Variants in ADARB2 observed in about 807,000 individuals in gnomAD.
ADARB2 encodes adenosine deaminase RNA specific B2 (inactive), also known as inactive double-stranded RNA-specific editase B2.
Under a neutral mutation model 62.2 loss-of-function variants are expected in ADARB2, and 25 were observed. That is an observed-to-expected ratio of 0.40 (90% CI 0.29 to 0.56). ADARB2 has a LOEUF of 0.56. ADARB2 is among the 20% of genes least tolerant of loss of function. ADARB2 has a pLI of 0.43. For missense variants in ADARB2, 1,071 were observed against 1,077.4 expected, an observed-to-expected ratio of 0.99 and a Z score of 0.08; for synonymous variants, 572 against 500.8, an observed-to-expected ratio of 1.14 and a Z score of -1.90.
At chr10:1,530,990 G>A (rs769616363) in intron 1 of ADARB2, among the ~76,000 whole-genome samples, 6 of 152,172 alleles carry the variant, frequency 3.9e-5, no homozygotes, top group African/African-American at 1.2e-4. Context: ...CAGGTCAGTC[G>A]TTGCTTCTTC....
At chr10:1,458,374 A>G (rs202149957) in intron 1 of ADARB2, among the ~76,000 whole-genome samples, 2 of 151,948 alleles carry the variant, frequency 1.3e-5, no homozygotes, top group Non-Finnish European at 2.9e-5. Flanking sequence ...GGGGTCTCAC[A>G]GCTTCTCTTT....
intron 1 of ADARB2, among the ~76,000 whole-genome samples, chr10:1,473,362 T>TTTG (rs1046160054): frequency 6.6e-6 from 1 of 152,050 alleles, no homozygotes; most frequent in Non-Finnish European, 1.5e-5. Context: ...TTGGATATAT[T>TTTG]TTGTTGTTGT....
chr10:1,356,268 A>T (rs954651785), intron 3 of ADARB2, among the ~76,000 whole-genome samples: 1 of 152,208 alleles, frequency 6.6e-6, no homozygotes, highest in Non-Finnish European at 1.5e-5. Context: ...CCAGAAGGTG[A>T]GGTGCTGAAA....
chr10:1,679,210 G>A (rs893956630), intron 1 of ADARB2, among the ~76,000 whole-genome samples: 5 of 152,072 alleles, frequency 3.3e-5, no homozygotes, highest in African/African-American at 1.2e-4. Flanking sequence ...TCCTTGGAGG[G>A]GCGACCACAC....
intron 1 of ADARB2, among the ~76,000 whole-genome samples, chr10:1,571,564 G>A (rs551586886): frequency 1.3e-4 from 20 of 152,356 alleles, no homozygotes; most frequent in African/African-American, 4.8e-4. Context: ...AGCCAGATAC[G>A]TGGGTATCAG....
intron 1 of ADARB2, among the ~76,000 whole-genome samples, chr10:1,490,590 G>T (rs1831610045): frequency 6.6e-6 from 1 of 152,142 alleles, no homozygotes; most frequent in South Asian, 2.1e-4. Context: ...CAGTAGCTGG[G>T]ATTACAGGTG....
chr10:1,682,220 CG>C lies in ADARB2; in HGVS notation c.100+54830del, dbSNP rs542504823. Among the ~76,000 whole-genome samples, 3 of 152,256 alleles carry C rather than the reference CG, an allele frequency of 2.0e-5. 1 individual carries two copies. Among genetic ancestry groups the C allele is most frequent in the African/African-American group, 7.2e-5 (3 of 41,548 alleles). On this transcript the variant is annotated intron_variant, in intron 1 of 9. Transcript: ENST00000381312. ...CATGGAGGAATAAGAGAGCACTGGGCGTCGAAGACCCAGAGGCCTCAGCACG... is the reference window on the plus strand; with the variant it reads ...CATGGAGGAATAAGAGAGCACTGGGCTCGAAGACCCAGAGGCCTCAGCACG...
At chr10:1,721,618 G>T (rs1245330488) in intron 1 of ADARB2, among the ~76,000 whole-genome samples, 1 of 152,232 alleles carries the variant, frequency 6.6e-6, no homozygotes, top group East Asian at 1.9e-4. Flanking sequence ...AGAATTTTAT[G>T]CATTATTGCA....
intron 7 of ADARB2, among the ~76,000 whole-genome samples, chr10:1,209,900 G>A (rs569443144): frequency 5.3e-5 from 8 of 152,294 alleles, no homozygotes; most frequent in African/African-American, 1.9e-4. Flanking sequence ...AATGTTTTAC[G>A]GCTCATTCTA....
chr10:1,185,307 C>T (rs1025136571), intron 8 of ADARB2, among the ~76,000 whole-genome samples: 10 of 152,184 alleles, frequency 6.6e-5, no homozygotes, highest in South Asian at 4.1e-4. Context: ...AATATAGCTC[C>T]GTCCAGATTC....
intron 1 of ADARB2, among the ~76,000 whole-genome samples, chr10:1,574,928 C>T (rs917822593): frequency 6.6e-6 from 1 of 152,198 alleles, no homozygotes; most frequent in African/African-American, 2.4e-5. Context: ...TGTTGAGTGG[C>T]ACTGCCAGGA....
At chr10:1,187,817 C>T (rs528448665) in intron 8 of ADARB2, 42 of 425,406 alleles carry the variant, frequency 9.9e-5, no homozygotes, top group African/African-American at 6.8e-4. Context: ...GCTGCGGGGT[C>T]GTCCAGCCTT....
intron 1 of ADARB2, among the ~76,000 whole-genome samples, chr10:1,522,611 G>A (rs1027023433): frequency 1.3e-5 from 2 of 152,152 alleles, no homozygotes; most frequent in Non-Finnish European, 2.9e-5. Flanking sequence ...TGTGTGTCAG[G>A]TGGTCCAGTA....
At chr10:1,733,787 A>G (rs950337518) in intron 1 of ADARB2, among the ~76,000 whole-genome samples, 2 of 152,226 alleles carry the variant, frequency 1.3e-5, no homozygotes, top group African/African-American at 4.8e-5. Context: ...GAACTATAAA[A>G]TAAAGTGCAA....
chr10:1,368,536 C>T (rs573946551), intron 2 of ADARB2, among the ~76,000 whole-genome samples: 10 of 152,226 alleles, frequency 6.6e-5, no homozygotes, highest in South Asian at 4.2e-4. Context: ...CTCATGTCTG[C>T]GAGTCGCGAG....
chr10:1,670,488 C>T (rs1343139770), intron 1 of ADARB2, among the ~76,000 whole-genome samples: 1 of 152,196 alleles, frequency 6.6e-6, no homozygotes, highest in Non-Finnish European at 1.5e-5. Flanking sequence ...ACACCAGGAG[C>T]TCCTGCTTCC....
intron 1 of ADARB2, among the ~76,000 whole-genome samples, chr10:1,505,723 G>T (rs1030840496): frequency 5.3e-5 from 8 of 150,312 alleles, no homozygotes; most frequent in Admixed American, 2.0e-4. Flanking sequence ...CCCCATGCCC[G>T]TGGTTCTGCC....
intron 1 of ADARB2, among the ~76,000 whole-genome samples, chr10:1,424,592 A>G (rs969677538): frequency 1.3e-5 from 2 of 152,146 alleles, no homozygotes; most frequent in Admixed American, 1.3e-4. Context: ...GTGGTCATTT[A>G]GTGCCCACGG....
At chr10:1,433,008 A>C (rs189402775) in intron 1 of ADARB2, among the ~76,000 whole-genome samples, 310 of 152,284 alleles carry the variant, frequency 2.0e-3, no homozygotes, top group African/African-American at 7.2e-3. Flanking sequence ...TACATCCTTA[A>C]AAAGAAAAAA....
Sources: gnomAD v4.1 joint callset for allele counts (sites outside exome capture counted in the v4.1 genomes callset) on GRCh38, gnomAD v4.1.1 for gene constraint, MANE v1.5 for transcripts, NCBI Gene and HGNC (gene_info 2026-07-23, HGNC 2026-07-21) for gene names.